PPARGC1A: variants seen among roughly 807,000 people sequenced by gnomAD.
The protein encoded by PPARGC1A is peroxisome proliferator-activated receptor gamma coactivator 1-alpha.
PPARGC1A carries 25 observed loss-of-function variants against 88.7 expected under a neutral mutation model. The observed-to-expected ratio is 0.28, with a 90% CI of 0.21 to 0.39. The LOEUF (loss-of-function observed/expected upper bound fraction) is 0.39, where lower values mean the gene tolerates loss of function less well. Among genes scored for constraint, PPARGC1A ranks in the 10% least tolerant of loss-of-function variants. The pLI, the probability that PPARGC1A is intolerant of heterozygous loss-of-function variation, is 1.00. For synonymous variants in PPARGC1A, 363 were observed against 355.6 expected (o/e 1.02, Z -0.24); for missense variants, 880 against 968.7 (o/e 0.91, Z 1.22).
At chr4:24,050,520 A>T in the PPARGC1A span, among the ~76,000 whole-genome samples, 1 of 151,764 alleles carries the variant, frequency 6.6e-6, no homozygotes, top group Non-Finnish European at 1.5e-5. Context: ...TAACTCTCCC[A>T]CTAAAAACTT....
chr4:24,145,114 CATACATATGCATAT>C, the PPARGC1A span, among the ~76,000 whole-genome samples: 1 of 129,802 alleles, frequency 7.7e-6, no homozygotes, highest in Non-Finnish European at 1.7e-5. Context: ...TGTGTGTGTA[CATACATATGCATAT>C]ATATGCATGC....
the PPARGC1A span, among the ~76,000 whole-genome samples, chr4:24,066,649 G>T: frequency 6.6e-6 from 1 of 152,102 alleles, no homozygotes; most frequent in South Asian, 2.1e-4. Flanking sequence ...AGGGGAAAAG[G>T]TCCCCTGGGG....
chr4:24,387,832 G>GAA, the PPARGC1A span, among the ~76,000 whole-genome samples: 27 of 100,462 alleles, frequency 2.7e-4, no homozygotes, highest in Admixed American at 8.1e-4. Context: ...AAGAGAGAAA[G>GAA]AGAGAAAGAG....
At chr4:24,354,803 C>T in the PPARGC1A span, among the ~76,000 whole-genome samples, 1 of 152,148 alleles carries the variant, frequency 6.6e-6, no homozygotes, top group Non-Finnish European at 1.5e-5. Context: ...AGGAGAATGG[C>T]ATGAACCCGG....
At chr4:24,448,958 CCT>C in the PPARGC1A span, among the ~76,000 whole-genome samples, 5 of 152,082 alleles carry the variant, frequency 3.3e-5, no homozygotes, top group African/African-American at 1.2e-4. Flanking sequence ...ACACATAGAC[CCT>C]GTTACAAGAT....
At chr4:23,907,061 T>C (rs1720129494), upstream of PPARGC1A, among the ~76,000 whole-genome samples, 1 of 152,084 alleles carries the variant, frequency 6.6e-6, no homozygotes. Context: ...CCAAAGTAAA[T>C]GGCCCAGAAC....
chr4:24,365,035 C>T, the PPARGC1A span, among the ~76,000 whole-genome samples: 1 of 151,868 alleles, frequency 6.6e-6, no homozygotes, highest in African/African-American at 2.4e-5. Context: ...CCCAGCATGA[C>T]ACTTCTACCA....
At chr4:24,225,425 C>T in the PPARGC1A span, among the ~76,000 whole-genome samples, 2 of 151,792 alleles carry the variant, frequency 1.3e-5, no homozygotes, top group Non-Finnish European at 2.9e-5. Flanking sequence ...AAAAATTAGC[C>T]GGGCGTGGTG....
At chr4:23,885,076 A>G in intron 1 of PPARGC1A, 145 bp from the exon 2 acceptor site, 1 of 678,374 alleles carries the variant, frequency 1.5e-6, no homozygotes, top group Non-Finnish European at 2.2e-6. Context: ...ATCACCAGGA[A>G]AAACATCCTA....
At chr4:24,047,041 C>G in the PPARGC1A span, among the ~76,000 whole-genome samples, 2 of 152,180 alleles carry the variant, frequency 1.3e-5, no homozygotes, top group African/African-American at 4.8e-5. Flanking sequence ...ACTGACAAAC[C>G]ATTGAAGACT....
At chr4:24,137,684 G>A in the PPARGC1A span, among the ~76,000 whole-genome samples, 10 of 152,092 alleles carry the variant, frequency 6.6e-5, no homozygotes, top group Admixed American at 4.6e-4. Flanking sequence ...ATAGAGAATC[G>A]CTTCAAACAA....
the PPARGC1A span, among the ~76,000 whole-genome samples, chr4:24,382,412 T>C: frequency 4.6e-5 from 7 of 152,304 alleles, no homozygotes; most frequent in South Asian, 4.1e-4. Context: ...TTAATGTTCT[T>C]ATAAGAACTT....
chr4:24,298,672 A>G, the PPARGC1A span, among the ~76,000 whole-genome samples: 1 of 152,208 alleles, frequency 6.6e-6, no homozygotes, highest in Non-Finnish European at 1.5e-5. Context: ...CTGAACACAT[A>G]GAAAAAGACA....
the PPARGC1A span, among the ~76,000 whole-genome samples, chr4:24,177,778 C>T: frequency 1.3e-5 from 2 of 151,584 alleles, no homozygotes; most frequent in African/African-American, 4.8e-5. Context: ...TAAGATACAA[C>T]TGCTCTGTCT....
chr4:24,075,736 C>CGTGG, the PPARGC1A span, among the ~76,000 whole-genome samples: 20 of 152,240 alleles, frequency 1.3e-4, no homozygotes, highest in South Asian at 3.7e-3. Context: ...CCATGTAAGA[C>CGTGG]GTGGCTTTTC....
the PPARGC1A span, among the ~76,000 whole-genome samples, chr4:24,460,456 T>C: frequency 6.6e-6 from 1 of 152,202 alleles, no homozygotes; most frequent in Non-Finnish European, 1.5e-5. Flanking sequence ...TAAACCGGTA[T>C]GTATGTTAAT....
At chr4:24,089,613 C>G in the PPARGC1A span, among the ~76,000 whole-genome samples, 1 of 151,374 alleles carries the variant, frequency 6.6e-6, no homozygotes, top group African/African-American at 2.4e-5. Flanking sequence ...CGGGTTCACG[C>G]CATTCTCGTG....
chr4:23,823,551 T>C (rs1352240396), intron 7 of PPARGC1A, among the ~76,000 whole-genome samples: 1 of 152,100 alleles, frequency 6.6e-6, no homozygotes, highest in Non-Finnish European at 1.5e-5. Context: ...GCATATCATA[T>C]ATACACACAA....
In PPARGC1A at chr4:23,795,053, A is replaced by AAGAG. The variant is rs372164053; in HGVS notation, c.*765_*768dup. On this transcript the variant is annotated 3_prime_UTR_variant, in exon 13 of 13. Transcript: ENST00000264867. ...ATGGCAAAAGGAAAAAGAAAAAAAAAAGAGAGAGAGAGAGAGAGAGAGAGA... is the reference window on the plus strand; with the variant it reads ...ATGGCAAAAGGAAAAAGAAAAAAAAAAGAGAGAGAGAGAGAGAGAGAGAGAGAGA... 2,563 of 145,322 alleles carry AAGAG rather than the reference A, an allele frequency of 0.018. 24 individuals carry two copies. Among genetic ancestry groups the AAGAG allele is most frequent in the African/African-American group, 0.027 (1,059 of 39,256 alleles). 9.0% of individuals were successfully genotyped at this position (145,322 alleles called of 1,614,324 possible). A position where few individuals can be genotyped will look rare whatever the true frequency, so the allele number is the denominator to read the frequency against.
Sources: allele counts gnomAD v4.1 joint callset (sites outside exome capture counted in the v4.1 genomes callset), GRCh38; gene constraint gnomAD v4.1.1; transcripts MANE v1.5; gene names NCBI Gene and HGNC (gene_info 2026-07-23, HGNC 2026-07-21).